Variants in MTHFD2L observed in about 807,000 individuals in gnomAD.
MTHFD2L encodes bifunctional methylenetetrahydrofolate dehydrogenase/cyclohydrolase 2, mitochondrial.
A neutral mutation model predicts 34.9 loss-of-function variants in MTHFD2L; 29 were observed. That is an observed-to-expected ratio of 0.83 (90% CI 0.62 to 1.13). The LOEUF (loss-of-function observed/expected upper bound fraction) is 1.13. MTHFD2L is among the 50% of genes most tolerant of loss of function. The probability of loss-of-function intolerance (pLI) is 0.00; values close to 1 mark genes in which losing one functional copy is unlikely to be tolerated. For synonymous variants in MTHFD2L, 167 were observed against 155.7 expected, an observed-to-expected ratio of 1.07 and a Z score of -0.54; for missense variants, 481 against 446.5, an observed-to-expected ratio of 1.08 and a Z score of -0.70.
chr4:74,202,188 C>T (rs1228272104), intron 5 of MTHFD2L, among the ~76,000 whole-genome samples: 1 of 152,172 alleles, frequency 6.6e-6, no homozygotes, highest in Non-Finnish European at 1.5e-5. Flanking sequence ...TTGACAAAGG[C>T]TTGGGTCAAC....
At chr4:74,164,320 G>A (rs1459121656) in intron 1 of MTHFD2L, among the ~76,000 whole-genome samples, 1 of 152,108 alleles carries the variant, frequency 6.6e-6, no homozygotes, top group African/African-American at 2.4e-5. Flanking sequence ...TTTATTTGTT[G>A]GTAAGCTACT....
At chr4:74,133,291 G>A (rs925195738) in intron 1 of MTHFD2L, among the ~76,000 whole-genome samples, 4 of 152,004 alleles carry the variant, frequency 2.6e-5, no homozygotes, top group Non-Finnish European at 5.9e-5. Context: ...CTTGGTTAGT[G>A]TTACTTGGGT....
intron 3 of MTHFD2L, among the ~76,000 whole-genome samples, chr4:74,185,151 C>CA (rs1169021073): frequency 0.19 from 3,045 of 15,718 alleles, 600 homozygotes; most frequent in African/African-American, 0.23. Context: ...GACTCCATCT[C>CA]AAAAAAAAAA....
chr4:74,190,828 A>G (rs891549546), intron 3 of MTHFD2L, among the ~76,000 whole-genome samples: 12 of 152,238 alleles, frequency 7.9e-5, no homozygotes, highest in African/African-American at 2.9e-4. Context: ...TTGAGTAGGC[A>G]GACATTTATT....
At chr4:74,163,075 AT>A (rs55820846) in intron 1 of MTHFD2L, among the ~76,000 whole-genome samples, 3,672 of 151,972 alleles carry the variant, frequency 0.024, 142 homozygotes, top group African/African-American at 0.082. Flanking sequence ...TAAATTGAGC[AT>A]TTTTTTTTTT....
At chr4:74,157,773 G>A (rs1365318079), upstream of MTHFD2L, 2 of 485,494 alleles carry the variant, frequency 4.1e-6, no homozygotes, top group South Asian at 1.5e-5. Flanking sequence ...TGGCTTGGTG[G>A]AAAGTGGGGC....
chr4:74,225,455 A>T, intron 6 of MTHFD2L, 61 bp downstream of exon 6: 1 of 1,347,350 alleles, frequency 7.4e-7, no homozygotes, highest in African/African-American at 1.4e-5. Context: ...CCTGCCCTAA[A>T]TGCTGACATG....
chr4:74,191,225 A>G (rs997654836), intron 3 of MTHFD2L, among the ~76,000 whole-genome samples: 3 of 152,162 alleles, frequency 2.0e-5, no homozygotes, highest in Middle Eastern at 3.4e-3. Context: ...CCTCACTTAT[A>G]TATTCTAAAC....
chr4:74,149,727 G>A (rs537315548), intron 1 of MTHFD2L, among the ~76,000 whole-genome samples: 94 of 152,296 alleles, frequency 6.2e-4, no homozygotes, highest in Admixed American at 1.4e-3. Context: ...TTGTGTGGTA[G>A]GTTCAGGAAT....
intron 1 of MTHFD2L, among the ~76,000 whole-genome samples, chr4:74,170,529 A>C (rs1410866098): frequency 2.0e-5 from 3 of 152,198 alleles, no homozygotes; most frequent in African/African-American, 7.2e-5. Flanking sequence ...ACCTTGAATT[A>C]GGCAAAGATT....
At chr4:74,131,343 G>A (rs927682405) in intron 1 of MTHFD2L, among the ~76,000 whole-genome samples, 3 of 152,076 alleles carry the variant, frequency 2.0e-5, no homozygotes, top group African/African-American at 7.2e-5. Flanking sequence ...TATATTACAA[G>A]TCCACAGTAA....
chr4:74,281,091 C>T (rs866632128), intron 6 of MTHFD2L, among the ~76,000 whole-genome samples: 2 of 152,054 alleles, frequency 1.3e-5, no homozygotes, highest in Middle Eastern at 3.4e-3. Flanking sequence ...TCAGCAGGAG[C>T]CTGTCTCATG....
chr4:74,215,156 G>T (rs769273641), intron 5 of MTHFD2L, among the ~76,000 whole-genome samples: 7 of 151,750 alleles, frequency 4.6e-5, no homozygotes, highest in African/African-American at 7.3e-5. Flanking sequence ...GGTGGGATCC[G>T]CTGAACTAGA....
chr4:74,173,847 G>A (rs1728496403), intron 1 of MTHFD2L, among the ~76,000 whole-genome samples: 1 of 152,242 alleles, frequency 6.6e-6, no homozygotes, highest in Admixed American at 6.5e-5. Context: ...ATATACATAT[G>A]TATGCATATG....
chr4:74,282,606 G>A (rs1444824624), intron 7 of MTHFD2L, among the ~76,000 whole-genome samples: 1 of 152,084 alleles, frequency 6.6e-6, no homozygotes, highest in East Asian at 1.9e-4. Context: ...AGATACATCA[G>A]GGACCAGATC....
chr4:74,141,332 C>A (rs1299340741), intron 1 of MTHFD2L, among the ~76,000 whole-genome samples: 1 of 152,108 alleles, frequency 6.6e-6, no homozygotes, highest in Non-Finnish European at 1.5e-5. Flanking sequence ...AGTAGTAGTC[C>A]AAGCAAAATT....
At chr4:74,221,481 A>G (rs929453398) in intron 5 of MTHFD2L, among the ~76,000 whole-genome samples, 2 of 151,616 alleles carry the variant, frequency 1.3e-5, no homozygotes, top group African/African-American at 4.8e-5. Context: ...TTCTATCTTT[A>G]TTTGAATCAC....
chr4:74,158,899 A>G (rs549892120), intron 1 of MTHFD2L, among the ~76,000 whole-genome samples: 16 of 152,160 alleles, frequency 1.1e-4, no homozygotes, highest in South Asian at 2.1e-4. Context: ...GCACTCTTCT[A>G]TCTTATGCTT....
chr4:74,156,006 C>T (rs1004946612), upstream of MTHFD2L, among the ~76,000 whole-genome samples: 1 of 150,726 alleles, frequency 6.6e-6, no homozygotes, highest in Non-Finnish European at 1.5e-5. Flanking sequence ...TCTTATTTTT[C>T]TATGCAAGTC....
Sources: gnomAD v4.1 joint callset for allele counts (sites outside exome capture counted in the v4.1 genomes callset) on GRCh38, gnomAD v4.1.1 for gene constraint, MANE v1.5 for transcripts, NCBI Gene and HGNC (gene_info 2026-07-23, HGNC 2026-07-21) for gene names.